The following CUBN variants were observed in gnomAD, a reference collection of about 807,000 sequenced individuals.
The protein encoded by CUBN is cubilin.
A neutral mutation model predicts 405.3 loss-of-function variants in CUBN; 282 were observed. The observed-to-expected ratio is 0.70, with a 90% CI of 0.63 to 0.77. The LOEUF (loss-of-function observed/expected upper bound fraction) is 0.77. Ranked by LOEUF, CUBN falls within the 30% of genes least tolerant of loss-of-function variation. CUBN has a pLI of 0.00. For synonymous variants in CUBN, 1,684 were observed against 1,617.0 expected, an observed-to-expected ratio of 1.04 and a Z score of -0.99; for missense variants, 4,514 against 4,475.2, an observed-to-expected ratio of 1.01 and a Z score of -0.25.
At chr10:17,022,201 A>T (rs1228416618) in intron 27 of CUBN, among the ~76,000 whole-genome samples, 1 of 152,128 alleles carries the variant, frequency 6.6e-6, no homozygotes, top group East Asian at 1.9e-4. Context: ...CAGATTTTTA[A>T]ACCTTGGCCT....
chr10:16,931,326 T>A (rs754367166), intron 40 of CUBN, among the ~76,000 whole-genome samples: 1 of 151,804 alleles, frequency 6.6e-6, no homozygotes, highest in Non-Finnish European at 1.5e-5. Flanking sequence ...ATGACTACAA[T>A]ACTCACCAAC....
intron 31 of CUBN, among the ~76,000 whole-genome samples, chr10:16,982,079 G>A (rs190094325): frequency 6.6e-6 from 1 of 152,282 alleles, no homozygotes; most frequent in Non-Finnish European, 1.5e-5. Flanking sequence ...TATATCAGGG[G>A]CTTTTTTGGA....
intron 17 of CUBN, among the ~76,000 whole-genome samples, chr10:17,080,135 C>T (rs1223778638): frequency 1.3e-5 from 2 of 152,162 alleles, no homozygotes; most frequent in Non-Finnish European, 2.9e-5. Context: ...TGATACACAG[C>T]ATTTCCTGTT....
At chr10:16,892,066 A>G (rs1174455258) in intron 54 of CUBN, among the ~76,000 whole-genome samples, 2 of 152,216 alleles carry the variant, frequency 1.3e-5, no homozygotes, top group East Asian at 1.9e-4. Context: ...GCAATAAAAC[A>G]TCAAGTCATT....
At position 16,840,333 on chromosome 10, in the gene CUBN, C is replaced by A. The variant is rs370204059; in HGVS notation, c.10029G>T (p.Pro3343=). The change falls in exon 62 of 67, where the codon CCG becomes CCT. Residue 3343 remains proline, a synonymous_variant. Transcript: ENST00000377833. ...TQNYLQLQDS[P]QGHGNSRFQF... is the part of the protein sequence containing the mutation. ...CCATTCATCTTATAATTGTTACCTG[C>A]GGTGAGTCCTGAAGCTGTAAGTAAT... 1.9e-6 allele frequency: 3 copies of A among 1,613,478 alleles called. No homozygotes were observed. The highest frequency in any genetic ancestry group is 3.3e-5 in the Admixed American group (2 of 60,016).
chr10:16,980,543 G>C (rs989625860), intron 31 of CUBN, among the ~76,000 whole-genome samples: 2 of 152,174 alleles, frequency 1.3e-5, no homozygotes, highest in Non-Finnish European at 2.9e-5. Flanking sequence ...ACTTTGAAGG[G>C]ACATGGATGA....
intron 27 of CUBN, among the ~76,000 whole-genome samples, chr10:17,025,432 A>G (rs898334911): frequency 2.0e-5 from 3 of 152,238 alleles, no homozygotes; most frequent in Non-Finnish European, 4.4e-5. Context: ...AAATTATTGA[A>G]CTTCTTCAAG....
intron 56 of CUBN, among the ~76,000 whole-genome samples, chr10:16,884,241 C>T (rs1354454163): frequency 6.6e-6 from 1 of 152,196 alleles, no homozygotes; most frequent in Non-Finnish European, 1.5e-5. Context: ...CTCGGCCTCC[C>T]AAAGTGGGGG....
At chr10:16,847,237 G>T (rs981866552) in intron 60 of CUBN, among the ~76,000 whole-genome samples, 1 of 152,190 alleles carries the variant, frequency 6.6e-6, no homozygotes, top group African/African-American at 2.4e-5. Context: ...CGGATCCCAA[G>T]GTCAGGACAT....
chr10:16,879,241 T>G (rs1052374210), intron 56 of CUBN, among the ~76,000 whole-genome samples: 3 of 152,254 alleles, frequency 2.0e-5, no homozygotes, highest in African/African-American at 7.2e-5. Context: ...TGTCAGTCTT[T>G]TTAATTTTAG....
At position 16,919,949 on chromosome 10, in the gene CUBN, T is replaced by C. The variant is rs1564424189; in HGVS notation, c.6821+14A>G. On this transcript the variant is annotated intron_variant, in intron 44 of 66. Transcript: ENST00000377833. ...ACTTGGGGTAGGAAAAAAATGAAAA[T>C]GGAAGTGACATACTTGGGTGTTACT... 2 of 1,611,862 alleles carry C rather than the reference T, an allele frequency of 1.2e-6. No homozygotes were observed. Among genetic ancestry groups the C allele is most frequent in the Middle Eastern group, 2.1e-4 (1 of 4,746 alleles).
intron 52 of CUBN, 77 bp from the exon 53 acceptor site, chr10:16,900,927 T>A: frequency 1.0e-6 from 1 of 988,812 alleles, no homozygotes; most frequent in Non-Finnish European, 1.5e-6. Context: ...ACAAATCGTT[T>A]AATTTTGTTT....
At chr10:17,030,012 C>T (rs1834755168) in intron 27 of CUBN, among the ~76,000 whole-genome samples, 1 of 152,218 alleles carries the variant, frequency 6.6e-6, no homozygotes, top group African/African-American at 2.4e-5. Flanking sequence ...TGGCATCAAA[C>T]TCTCATAGGA....
rs375392858 is a variant in CUBN, at chr10:17,105,413, A to G, written c.1230+44T>C. ...CGTTACATTTTATAGGCGTGAAACT[A>G]ATTCTCAGGTACTCTCTGTCCACAG... is the stretch of plus-strand genomic sequence containing the variant. On this transcript the variant is annotated intron_variant, in intron 11 of 66. Coordinates refer to ENST00000377833, the MANE Select transcript of CUBN (RefSeq NM_001081.4). 11 of 1,096,930 alleles carry G rather than the reference A, an allele frequency of 1.0e-5. No individual in the cohort carries two copies. The African/African-American group carries it at 1.5e-4, about 15-fold the overall frequency. The allele number at this position is 1,096,930 out of a possible 1,614,324, so 67.9% of individuals were successfully genotyped here.
intron 14 of CUBN, among the ~76,000 whole-genome samples, chr10:17,097,312 A>G (rs1483447320): frequency 1.3e-5 from 2 of 152,140 alleles, no homozygotes; most frequent in Non-Finnish European, 2.9e-5. Flanking sequence ...TTCTGAAAGT[A>G]CAGATGAGTT....
intron 28 of CUBN, among the ~76,000 whole-genome samples, chr10:17,019,592 T>C (rs1028383971): frequency 1.6e-4 from 24 of 152,184 alleles, no homozygotes; most frequent in African/African-American, 5.6e-4. Flanking sequence ...GGCAATTTAT[T>C]ACTACACCTA....
Position 17,007,717 on chromosome 10 carries a change from C to T in CUBN, c.4168+12116G>A, listed in dbSNP as rs569094205. On this transcript the variant is annotated intron_variant, in intron 28 of 66. Transcript: ENST00000377833. ...AAAGCCACTTGACCTGGCCAGGGCA[C>T]GAAGAGCAACTCCAGGACCAGCGTT... Among the ~76,000 whole-genome samples the T allele has an allele frequency of 1.6e-4, 24 of 152,220 alleles. No individual in the cohort carries two copies. The Middle Eastern group carries it at 0.014, about 86-fold the overall frequency.
chr10:16,974,424 T>A (rs540695257), intron 31 of CUBN, among the ~76,000 whole-genome samples: 1 of 151,956 alleles, frequency 6.6e-6, no homozygotes, highest in Non-Finnish European at 1.5e-5. Flanking sequence ...CAACTACAAT[T>A]AACTCTTTTT....
At chr10:16,863,801 T>A (rs1024778146) in intron 59 of CUBN, among the ~76,000 whole-genome samples, 3 of 152,230 alleles carry the variant, frequency 2.0e-5, no homozygotes, top group Non-Finnish European at 4.4e-5. Flanking sequence ...CTTTCCTGTT[T>A]CCTTCTTTTT....
Sources: gnomAD v4.1 joint callset for allele counts (sites outside exome capture counted in the v4.1 genomes callset) on GRCh38, gnomAD v4.1.1 for gene constraint, MANE v1.5 for transcripts, NCBI Gene and HGNC (gene_info 2026-07-23, HGNC 2026-07-21) for gene names.